The following ZNF385D variants were observed in gnomAD, a reference collection of about 807,000 sequenced individuals.
ZNF385D encodes zinc finger protein 659.
Under a neutral mutation model 35.8 loss-of-function variants are expected in ZNF385D, and 15 were observed. That is an observed-to-expected ratio of 0.42 (90% CI 0.28 to 0.64). The LOEUF (loss-of-function observed/expected upper bound fraction) is 0.64, where lower values mean the gene tolerates loss of function less well. ZNF385D is among the 30% of genes least tolerant of loss of function. ZNF385D has a pLI of 0.23. For synonymous variants in ZNF385D, 212 were observed against 186.8 expected (o/e 1.13, Z -1.10); for missense variants, 474 against 494.6 (o/e 0.96, Z 0.39).
intron 3 of ZNF385D, among the ~76,000 whole-genome samples, chr3:22,018,351 A>T (rs1396708241): frequency 1.3e-5 from 2 of 151,572 alleles, no homozygotes; most frequent in African/African-American, 4.8e-5. Flanking sequence ...ATCATTCTCA[A>T]CTCCATTTCT....
chr3:22,344,177 GGTGTGTGTGTGTGT>G (rs571896117), intron 2 of ZNF385D, among the ~76,000 whole-genome samples: 16 of 140,846 alleles, frequency 1.1e-4, no homozygotes, highest in South Asian at 9.2e-4. Context: ...GGTGGGGTGG[GGTGTGTGTGTGTGT>G]GTGTGTGTGT....
chr3:21,902,789 A>T lies in ZNF385D; in HGVS notation c.326-237761T>A, dbSNP rs545236351. Among the ~76,000 whole-genome samples the T allele has an allele frequency of 2.2e-4, 34 of 152,290 alleles. 1 individual carries two copies. The highest frequency in any genetic ancestry group is 6.5e-4 in the African/African-American group (27 of 41,576). On this transcript the variant is annotated intron_variant, in intron 3 of 5. Coordinates refer to the ZNF385D transcript ENST00000494108. ...ACACCAGCATGTCACATGTATACAT[A>T]TGCATATGTAACTAACCTGCACATT...
At chr3:22,271,681 C>T (rs577496572) in intron 2 of ZNF385D, among the ~76,000 whole-genome samples, 1 of 151,746 alleles carries the variant, frequency 6.6e-6, no homozygotes, top group African/African-American at 2.4e-5. Context: ...TTAAAAAACT[C>T]CCCCCACCCT....
In ZNF385D at chr3:21,433,843, C is replaced by A. The variant is rs182507318; in HGVS notation, c.673+3127G>T. Among the ~76,000 whole-genome samples the A allele has an allele frequency of 1.5e-4, 23 of 152,162 alleles. No individual in the cohort carries two copies. In the East Asian group the frequency reaches 4.4e-3, roughly 29 times the overall value. ...ATTAAGATTTAGTGTATATTAAATT[C>A]GCAGATTTTTATTACTTATCTTGTA... On this transcript the variant is annotated intron_variant, in intron 5 of 7. Coordinates refer to ENST00000281523, the MANE Select transcript of ZNF385D (RefSeq NM_024697.3).
intron 2 of ZNF385D, among the ~76,000 whole-genome samples, chr3:22,286,150 T>C (rs538318017): frequency 6.6e-5 from 10 of 152,134 alleles, no homozygotes; most frequent in Non-Finnish European, 1.3e-4. Flanking sequence ...TACAGCATTA[T>C]TTTTTATCAA....
rs143260349 is a variant in ZNF385D at position 21,460,477 on chromosome 3, G to C, written c.440-23274C>G. ...TGAACCTTTCACAACATGTATGCAA[G>C]CTGTGTACATCAATAGGAACAAAAT... On this transcript the variant is annotated intron_variant, in intron 4 of 7. Coordinates refer to ENST00000281523, the MANE Select transcript of ZNF385D (RefSeq NM_024697.3). Among the ~76,000 whole-genome samples, 1,302 of 152,224 alleles carry C rather than the reference G, an allele frequency of 8.6e-3. 72 individuals are homozygous for C. The highest frequency in any genetic ancestry group is 0.079 in the Admixed American group (1,207 of 15,284).
chr3:21,551,200 G>A (rs2062556417), intron 3 of ZNF385D, among the ~76,000 whole-genome samples: 1 of 152,152 alleles, frequency 6.6e-6, no homozygotes, highest in South Asian at 2.1e-4. Context: ...GGCTGACTAA[G>A]CAGGAAACAC....
At chr3:21,902,908 GTT>G (rs1164117480) in intron 3 of ZNF385D, among the ~76,000 whole-genome samples, 2 of 152,104 alleles carry the variant, frequency 1.3e-5, no homozygotes, top group Non-Finnish European at 2.9e-5. Context: ...TTACTGAAGA[GTT>G]TTATTTTGAT....
At chr3:22,035,124 T>A (rs913441027) in intron 3 of ZNF385D, among the ~76,000 whole-genome samples, 1 of 152,194 alleles carries the variant, frequency 6.6e-6, no homozygotes, top group Admixed American at 6.5e-5. Flanking sequence ...ATCAATGAAC[T>A]AGAAAGTGAA....
chr3:22,303,219 T>C (rs1703005320), intron 2 of ZNF385D, among the ~76,000 whole-genome samples: 1 of 152,184 alleles, frequency 6.6e-6, no homozygotes, highest in Non-Finnish European at 1.5e-5. Context: ...ATGTATTGTG[T>C]GTTTTAGTAG....
intron 3 of ZNF385D, among the ~76,000 whole-genome samples, chr3:21,856,282 C>A (rs1696709600): frequency 7.1e-6 from 1 of 141,078 alleles, no homozygotes; most frequent in South Asian, 2.1e-4. Flanking sequence ...CTGGAATGTC[C>A]AGGATTACAT....
chr3:21,614,917 G>C (rs1051139446), intron 2 of ZNF385D, among the ~76,000 whole-genome samples: 1 of 152,150 alleles, frequency 6.6e-6, no homozygotes, highest in Non-Finnish European at 1.5e-5. Context: ...GGTGCAGATA[G>C]GTTATTTTAG....
chr3:21,604,005 T>G (rs1026043130), intron 2 of ZNF385D, among the ~76,000 whole-genome samples: 3 of 152,142 alleles, frequency 2.0e-5, no homozygotes, highest in Non-Finnish European at 4.4e-5. Context: ...GAAGGACTTG[T>G]GTTGAGTTGG....
intron 3 of ZNF385D, among the ~76,000 whole-genome samples, chr3:21,770,819 G>A (rs2071042851): frequency 6.6e-6 from 1 of 152,094 alleles, no homozygotes. Flanking sequence ...ACTCACAATA[G>A]CAAAGACTTG....
At chr3:22,107,180 C>A (rs992268800) in intron 3 of ZNF385D, among the ~76,000 whole-genome samples, 1 of 151,890 alleles carries the variant, frequency 6.6e-6, no homozygotes, top group Non-Finnish European at 1.5e-5. Context: ...TGTGCCACCA[C>A]ACCTAGCTAA....
At chr3:22,178,759 G>C (rs1186450591) in intron 2 of ZNF385D, among the ~76,000 whole-genome samples, 1 of 152,134 alleles carries the variant, frequency 6.6e-6, no homozygotes, top group African/African-American at 2.4e-5. Context: ...ATTAATTTTT[G>C]TATAACGTGT....
At position 21,413,204 on chromosome 3, in the gene ZNF385D, C is replaced by T. The variant is rs892054220; in HGVS notation, c.*8010G>A. 1 of 151,910 alleles carries T rather than the reference C, an allele frequency of 6.6e-6. No individual in the cohort carries two copies. The highest frequency in any genetic ancestry group is 1.5e-5 in the Non-Finnish European group (1 of 67,958). The allele number at this position is 151,910 out of a possible 1,614,324, so 9.4% of individuals were successfully genotyped here. A position where few individuals can be genotyped will look rare whatever the true frequency, so the allele number is the denominator to read the frequency against. The stretch of plus-strand genomic sequence containing the variant: ...CAAGCCCACCTGGGGATATGTAGAA[C>T]TCTGATGAAAGGTTTATTCAGTAAG... On this transcript the variant is annotated 3_prime_UTR_variant, in exon 8 of 8. Transcript: ENST00000281523.
At chr3:21,695,096 TAGG>T (rs2067425145) in intron 1 of ZNF385D, among the ~76,000 whole-genome samples, 1 of 152,148 alleles carries the variant, frequency 6.6e-6, no homozygotes. Context: ...GCCTGAAACA[TAGG>T]AGTTGTGTAT....
chr3:22,156,817 A>G (rs1261512639), intron 3 of ZNF385D, among the ~76,000 whole-genome samples: 1 of 152,108 alleles, frequency 6.6e-6, no homozygotes, highest in Non-Finnish European at 1.5e-5. Flanking sequence ...TGAAGTACCC[A>G]AGGTGATTCT....
Sources: allele counts gnomAD v4.1 joint callset (sites outside exome capture counted in the v4.1 genomes callset), GRCh38; gene constraint gnomAD v4.1.1; transcripts MANE v1.5; gene names NCBI Gene and HGNC (gene_info 2026-07-23, HGNC 2026-07-21).